The following PARVB variants were observed in gnomAD, a reference collection of about 807,000 sequenced individuals.
PARVB encodes the protein beta-parvin.
A neutral mutation model predicts 47.0 loss-of-function variants in PARVB; 46 were observed. That is an observed-to-expected ratio of 0.98 (90% CI 0.77 to 1.25). The LOEUF is 1.25. PARVB is among the 50% of genes most tolerant of loss of function. PARVB has a pLI of 0.00. For missense variants in PARVB, 473 were observed against 471.6 expected (o/e 1.00, Z -0.03); for synonymous variants, 196 against 196.3 (o/e 1.00, Z 0.01).
intron 2 of PARVB, among the ~76,000 whole-genome samples, chr22:44,016,099 C>CTTTTTTTTT (rs562590606): frequency 7.7e-6 from 1 of 129,194 alleles, no homozygotes; most frequent in African/African-American, 3.0e-5. Flanking sequence ...TTCTTTCTTT[C>CTTTTTTTTT]TTTTTTTTTT....
chr22:44,161,549 T>A lies in PARVB; in HGVS notation c.946-2309T>A, dbSNP rs555883167. On this transcript the variant is annotated intron_variant, in intron 11 of 12. Transcript: ENST00000338758. Reference sequence around the variant, plus strand: ...GGCTGGTCTTGAACTCCAGACCTCATGATCCACCCGCCTCAGCCTCCCAAA... The same window carrying A: ...GGCTGGTCTTGAACTCCAGACCTCAAGATCCACCCGCCTCAGCCTCCCAAA... 2.4e-4 allele frequency among the ~76,000 whole-genome samples: 36 copies of A among 152,186 alleles called. 1 individual carries two copies. The highest frequency in any genetic ancestry group is 8.2e-4 in the African/African-American group (34 of 41,540).
intron 1 of PARVB, among the ~76,000 whole-genome samples, chr22:44,088,871 C>A (rs1403541015): frequency 6.6e-6 from 1 of 152,172 alleles, no homozygotes; most frequent in Non-Finnish European, 1.5e-5. Flanking sequence ...TCCCCCTTTC[C>A]AATGGACAGT....
chr22:44,039,900 G>A (rs958337649), intron 1 of PARVB: 14 of 453,788 alleles, frequency 3.1e-5, no homozygotes, highest in Non-Finnish European at 5.3e-5. Context: ...CTGCAGCCTC[G>A]AACTCCTGGC....
At chr22:44,044,969 C>T (rs1488570592) in intron 1 of PARVB, among the ~76,000 whole-genome samples, 1 of 152,114 alleles carries the variant, frequency 6.6e-6, no homozygotes, top group Non-Finnish European at 1.5e-5. Context: ...ATTAAAGAAA[C>T]GTGCTGTCCA....
intron 3 of PARVB, among the ~76,000 whole-genome samples, chr22:44,117,388 G>A (rs996141463): frequency 3.3e-5 from 5 of 152,126 alleles, no homozygotes; most frequent in Middle Eastern, 3.4e-3. Flanking sequence ...TGGGCCATGG[G>A]GGGTGGGGGA....
At chr22:44,166,915 A>G (rs1601713253) in intron 12 of PARVB, among the ~76,000 whole-genome samples, 1 of 152,140 alleles carries the variant, frequency 6.6e-6, no homozygotes, top group Non-Finnish European at 1.5e-5. Context: ...TCTCCCTGAC[A>G]CCCTCCTCTG....
chr22:44,030,807 C>T (rs1391377133), intron 1 of PARVB, among the ~76,000 whole-genome samples: 1 of 152,138 alleles, frequency 6.6e-6, no homozygotes, highest in Admixed American at 6.5e-5. Flanking sequence ...ATTTTTCAGA[C>T]TTCTTCTCGT....
At chr22:44,055,787 G>A (rs762520585) in intron 1 of PARVB, among the ~76,000 whole-genome samples, 15 of 152,146 alleles carry the variant, frequency 9.9e-5, no homozygotes, top group African/African-American at 1.7e-4. Flanking sequence ...GGCCAATGGC[G>A]TCAGCCCAAG....
chr22:44,013,141 G>C (rs1258136574), intron 2 of PARVB, among the ~76,000 whole-genome samples: 2 of 152,068 alleles, frequency 1.3e-5, no homozygotes, highest in African/African-American at 4.8e-5. Flanking sequence ...CAGGTGATCC[G>C]TCTGCCTCGG....
chr22:44,158,045 C>T lies in PARVB; in HGVS notation c.907C>T (p.His303Tyr). 1 of 1,614,026 alleles carries T rather than the reference C, an allele frequency of 6.2e-7. No homozygotes were observed. The highest frequency in any genetic ancestry group is 8.5e-7 in the Non-Finnish European group (1 of 1,179,868). Residue 303 changes from histidine to tyrosine, a missense_variant, in exon 11 of 13, where the codon CAC becomes TAC. Coordinates refer to ENST00000338758, the MANE Select transcript of PARVB (RefSeq NM_013327.5). Reference sequence around the variant, plus strand: ...TCTGGAAGACTACTTTGTTCCTCTCCACCACTTCTACCTGACTCCGGAAAG... The same window carrying T: ...TCTGGAAGACTACTTTGTTCCTCTCTACCACTTCTACCTGACTCCGGAAAG... ...GLLEDYFVPL[H>Y]HFYLTPESFD...
Position 44,140,153 on chromosome 22 carries a change from C to T in PARVB, c.712+10C>T. 2.6e-6 allele frequency: 4 copies of T among 1,552,582 alleles called. No homozygotes were observed. In the Admixed American group the frequency reaches 7.3e-5, roughly 28 times the overall value. On this transcript the variant is annotated intron_variant, in intron 8 of 12. Coordinates refer to ENST00000338758, the MANE Select transcript of PARVB (RefSeq NM_013327.5). The stretch of plus-strand genomic sequence containing the variant: ...ATGATGGGCCGGTTCGGTAAGTAAC[C>T]CCAGGGAAAGTGGGGAGATGGAGGC...
chr22:44,129,535 A>G (rs2053264766), intron 4 of PARVB, among the ~76,000 whole-genome samples: 1 of 152,092 alleles, frequency 6.6e-6, no homozygotes, highest in South Asian at 2.1e-4. Flanking sequence ...CTCTCAGACC[A>G]CCCAGTTCTG....
At chr22:44,079,856 A>G (rs868082027) in intron 1 of PARVB, among the ~76,000 whole-genome samples, 2 of 152,090 alleles carry the variant, frequency 1.3e-5, no homozygotes, top group Non-Finnish European at 2.9e-5. Flanking sequence ...TGAACCCAGG[A>G]TGTGGTGGTT....
At chr22:44,115,999 C>A (rs2052891625) in intron 3 of PARVB, 1 of 133,354 alleles carries the variant, frequency 7.5e-6, no homozygotes, top group Non-Finnish European at 1.6e-5. Context: ...ACGGATACAT[C>A]CCATTACTAA....
intron 2 of PARVB, among the ~76,000 whole-genome samples, chr22:44,003,777 A>G (rs1378517495): frequency 6.6e-6 from 1 of 152,210 alleles, no homozygotes; most frequent in East Asian, 1.9e-4. Flanking sequence ...ACATTGGGCC[A>G]GGTGCAGGGT....
chr22:44,163,780 CG>C (rs1333145584), intron 11 of PARVB, 77 bp from the exon 12 acceptor site: 2 of 1,249,964 alleles, frequency 1.6e-6, no homozygotes, highest in Non-Finnish European at 2.3e-6. Context: ...CTGTCCATGC[CG>C]GCTGTCCTCC....
At position 44,037,748 on chromosome 22, in the gene PARVB, A is replaced by G. The variant is rs1041422103; in HGVS notation, c.112+13297A>G. Among the ~76,000 whole-genome samples the G allele has an allele frequency of 2.6e-5, 4 of 152,324 alleles. No homozygotes were observed. The East Asian group carries it at 7.7e-4, about 29-fold the overall frequency. ...GTCATCTTCCCAGCTGGCTCCTAGT[A>G]AGCTGATGTCATTCCTGGCATTTAA... On this transcript the variant is annotated intron_variant, in intron 1 of 12. Transcript: ENST00000338758.
At chr22:44,101,713 A>G (rs529821998) in intron 3 of PARVB, among the ~76,000 whole-genome samples, 1 of 151,194 alleles carries the variant, frequency 6.6e-6, no homozygotes, top group Admixed American at 6.6e-5. Context: ...TCGCCACTGC[A>G]CTCCAGCCTG....
intron 5 of PARVB, among the ~76,000 whole-genome samples, chr22:44,132,215 C>T (rs1323243276): frequency 6.6e-6 from 1 of 152,136 alleles, no homozygotes; most frequent in African/African-American, 2.4e-5. Context: ...GCTGGGCTCT[C>T]AGTGGTAGGC....
Sources: gnomAD v4.1 joint callset for allele counts (sites outside exome capture counted in the v4.1 genomes callset) on GRCh38, gnomAD v4.1.1 for gene constraint, MANE v1.5 for transcripts, NCBI Gene and HGNC (gene_info 2026-07-23, HGNC 2026-07-21) for gene names.